PARP1: variants seen among roughly 807,000 people sequenced by gnomAD.
PARP1 encodes the protein poly(ADP-ribose) polymerase 1.
In PARP1, 44 loss-of-function variants were observed where a neutral mutation model predicts 118.7. The observed-to-expected ratio is 0.37, with a 90% CI of 0.29 to 0.48. The LOEUF is 0.48. Ranked by LOEUF, PARP1 falls within the 20% of genes least tolerant of loss-of-function variation. PARP1 has a pLI of 0.99. For missense variants in PARP1, 1,100 were observed against 1,272.4 expected (o/e 0.86, Z 2.06); for synonymous variants, 492 against 483.2 (o/e 1.02, Z -0.24).
At chr1:226,399,125 G>C (rs1664979231) in intron 2 of PARP1, among the ~76,000 whole-genome samples, 1 of 144,738 alleles carries the variant, frequency 6.9e-6, no homozygotes, top group South Asian at 2.2e-4. Flanking sequence ...CCAGGCTGGA[G>C]TGCAGTGGCA....
chr1:226,388,661 G>A lies in PARP1; in HGVS notation c.712C>T (p.Leu238=). Residue 238 remains leucine (L), a synonymous_variant, in exon 5 of 23, where the codon CTA becomes TTA. Coordinates refer to ENST00000366794, the MANE Select transcript of PARP1 (RefSeq NM_001618.4). ...KDKDSKLEKA[L]KAQNDLIWNI... ...ACACAGAGCTGAGAACTCACCTTTA[G>A]GGCTTTTTCAAGCTTACTATCCTTG... is the stretch of plus-strand genomic sequence containing the variant. 6.2e-7 allele frequency: 1 copy of A among 1,607,388 alleles called. No individual in the cohort carries two copies.
chr1:226,394,633 G>T (rs1356039533), intron 2 of PARP1, among the ~76,000 whole-genome samples: 2 of 152,164 alleles, frequency 1.3e-5, no homozygotes, highest in Non-Finnish European at 2.9e-5. Flanking sequence ...GAAAGACAGG[G>T]CTGGGTGCGG....
At chr1:226,369,627 C>T (rs1469602241) in intron 15 of PARP1, among the ~76,000 whole-genome samples, 1 of 152,168 alleles carries the variant, frequency 6.6e-6, no homozygotes, top group Non-Finnish European at 1.5e-5. Context: ...GTGGGCTCTG[C>T]AGTTGAGAAT....
intron 1 of PARP1, among the ~76,000 whole-genome samples, chr1:226,406,395 G>T (rs748823731): frequency 6.6e-6 from 1 of 152,210 alleles, no homozygotes; most frequent in Non-Finnish European, 1.5e-5. Flanking sequence ...TATATTCAAA[G>T]TAAGTTCTAG....
At chr1:226,385,098 AC>A (rs1664690407) in intron 7 of PARP1, among the ~76,000 whole-genome samples, 35 of 152,278 alleles carry the variant, frequency 2.3e-4, no homozygotes, top group Admixed American at 2.3e-3. Flanking sequence ...AGATACGTGA[AC>A]CCTGGATCCA....
intron 18 of PARP1, 72 bp from the exon 19 acceptor site, chr1:226,365,226 C>T: frequency 6.6e-7 from 1 of 1,510,638 alleles, no homozygotes; most frequent in Non-Finnish European, 9.2e-7. Flanking sequence ...AAAGACAGGA[C>T]TGGATACACG....
Position 226,366,042 on chromosome 1 carries a change from C to G in PARP1, c.2417G>C (p.Arg806Thr), listed in dbSNP as rs755163226. 6.2e-7 allele frequency: 1 copy of G among 1,610,772 alleles called. No homozygotes were observed. Among genetic ancestry groups the G allele is most frequent in the African/African-American group, 1.3e-5 (1 of 74,986 alleles). The change falls in exon 18 of 23, where the codon AGA becomes ACA. Residue 806 changes from arginine to threonine, a missense_variant. This residue lies in a region of PARP1 where 948 missense variants were observed against 1,031.8 expected (regional missense o/e 0.92). Coordinates refer to ENST00000366794, the MANE Select transcript of PARP1 (RefSeq NM_001618.4). ...GATGATCTCGGCTTCTTCAGAATCT[C>G]TGTCAACCACCTGGATAAACAGAAT... Reference protein sequence around the residue: ...KLKTDIKVVDRDSEEAEIIRK... With the variant: ...KLKTDIKVVDTDSEEAEIIRK...
At chr1:226,369,785 C>A (rs186248463) in intron 15 of PARP1, among the ~76,000 whole-genome samples, 118 of 151,948 alleles carry the variant, frequency 7.8e-4, no homozygotes, top group African/African-American at 2.7e-3. Context: ...TGAAACCCCA[C>A]CTCTACTAAA....
intron 7 of PARP1, among the ~76,000 whole-genome samples, chr1:226,384,998 G>A (rs1387479347): frequency 2.0e-5 from 3 of 152,084 alleles, no homozygotes; most frequent in Non-Finnish European, 4.4e-5. Context: ...CCCACCAGCC[G>A]GCTCCAAAGG....
At chr1:226,361,923 C>G in intron 22 of PARP1, 46 bp downstream of exon 22, 1 of 1,174,208 alleles carries the variant, frequency 8.5e-7, no homozygotes, top group Admixed American at 1.7e-5. Context: ...CTCTGTAGCT[C>G]GAGAACATCC....
At chr1:226,392,547 T>C (rs1457008251) in intron 2 of PARP1, 6 of 570,272 alleles carry the variant, frequency 1.1e-5, no homozygotes, top group African/African-American at 1.9e-5. Context: ...AAGAGCAGCA[T>C]ATCAGGGGGT....
intron 22 of PARP1, 153 bp downstream of exon 22, chr1:226,361,816 G>A (rs1418045366): frequency 2.8e-6 from 2 of 702,966 alleles, no homozygotes; most frequent in Admixed American, 2.0e-5. Flanking sequence ...GCTATGCACA[G>A]GGAGGGACCA....
Position 226,392,271 on chromosome 1 carries a change from CAG to C in PARP1, c.328_329del (p.Leu110GlyfsTer2). 1 of 1,614,144 alleles carries C rather than the reference CAG, an allele frequency of 6.2e-7. No individual in the cohort carries two copies. Among genetic ancestry groups the C allele is most frequent in the Non-Finnish European group, 8.5e-7 (1 of 1,180,004 alleles). On this transcript the variant is annotated frameshift_variant, in exon 3 of 23. Coordinates refer to ENST00000366794, the MANE Select transcript of PARP1 (RefSeq NM_001618.4). LOFTEE classifies it high-confidence loss of function. ...DGIGSKAEKT[L>X]GDFAAEYAKS... is the part of the protein sequence containing the mutation. The stretch of plus-strand genomic sequence containing the variant: ...TGGCATACTCTGCTGCAAAGTCACC[CAG>C]AGTCTTCTCTGCCTTGCTACCAATT...
chr1:226,372,543 TGCAC>T (rs1664409446), intron 14 of PARP1, among the ~76,000 whole-genome samples: 1 of 152,032 alleles, frequency 6.6e-6, no homozygotes, highest in Admixed American at 6.5e-5. Context: ...GGCACAGTCG[TGCAC>T]GCCTGTAGTC....
intron 2 of PARP1, 48 bp downstream of exon 2, chr1:226,402,166 G>A (rs1303734036): frequency 6.2e-7 from 1 of 1,614,166 alleles, no homozygotes; most frequent in Non-Finnish European, 8.5e-7. Flanking sequence ...CCTCCTGGGA[G>A]CTTCAGGGTG....
chr1:226,361,702 T>C, intron 22 of PARP1, 161 bp from the exon 23 acceptor site: 1 of 695,240 alleles, frequency 1.4e-6, no homozygotes, highest in Non-Finnish European at 2.6e-6. Context: ...GCTGGCAGGA[T>C]GCTCAATGCC....
At chr1:226,402,083 C>T in intron 2 of PARP1, 131 bp downstream of exon 2, 1 of 1,575,906 alleles carries the variant, frequency 6.3e-7, no homozygotes, top group Non-Finnish European at 8.6e-7. Context: ...ATAACATGGG[C>T]ACCATACGCT....
At chr1:226,379,889 T>C in intron 10 of PARP1, 33 bp downstream of exon 10, 2 of 1,612,608 alleles carry the variant, frequency 1.2e-6, no homozygotes, top group South Asian at 1.1e-5. Context: ...TCCCTGGCTT[T>C]TGGCCCTGGA....
At chr1:226,401,783 G>A (rs1007668818) in intron 2 of PARP1, among the ~76,000 whole-genome samples, 2 of 152,146 alleles carry the variant, frequency 1.3e-5, no homozygotes, top group Admixed American at 6.5e-5. Context: ...CCCATAGAAT[G>A]TAGAGCATCA....
Sources: gnomAD v4.1 joint callset for allele counts (sites outside exome capture counted in the v4.1 genomes callset) on GRCh38, gnomAD v4.1.1 for gene constraint, gnomAD v4.1.1 regional missense constraint, MANE v1.5 for transcripts, NCBI Gene and HGNC (gene_info 2026-07-23, HGNC 2026-07-21) for gene names.